ITCH: variants seen among roughly 807,000 people sequenced by gnomAD.
ITCH encodes E3 ubiquitin-protein ligase Itchy homolog.
ITCH carries 28 observed loss-of-function variants against 126.8 expected under a neutral mutation model. That is an observed-to-expected ratio of 0.22 (90% CI 0.16 to 0.30). The LOEUF (loss-of-function observed/expected upper bound fraction) is 0.30. ITCH is among the 10% of genes least tolerant of loss of function. The pLI is 1.00. For synonymous variants in ITCH, 342 were observed against 340.0 expected (o/e 1.01, Z -0.06); for missense variants, 631 against 1,032.4 (o/e 0.61, Z 5.33).
intron 20 of ITCH, 40 bp from the exon 21 acceptor site, chr20:34,489,224 GAT>G: frequency 6.3e-7 from 1 of 1,580,180 alleles, no homozygotes; most frequent in Non-Finnish European, 8.7e-7. Flanking sequence ...TTAAAGATAA[GAT>G]CTAAACTTCC....
At chr20:34,503,792 A>G (rs1253177334) in intron 23 of ITCH, among the ~76,000 whole-genome samples, 1 of 138,110 alleles carries the variant, frequency 7.2e-6, no homozygotes, top group African/African-American at 2.8e-5. Flanking sequence ...TAAAGCACAT[A>G]TTGCTGAGCC....
Position 34,471,424 on chromosome 20 carries a change from A to C in ITCH, c.1498-20A>C. ...CTATTTTAATGATGAGAGTTGACTT[A>C]AGTCATTCTTCTATTTCAGCAACTG... On this transcript the variant is annotated intron_variant, in intron 15 of 24. Transcript: ENST00000374864. 6.7e-7 allele frequency: 1 copy of C among 1,481,968 alleles called. No homozygotes were observed. The highest frequency in any genetic ancestry group is 9.4e-7 in the Non-Finnish European group (1 of 1,059,342). The allele number at this position is 1,481,968 out of a possible 1,614,324, so 91.8% of individuals were successfully genotyped here. A position where few individuals can be genotyped will look rare whatever the true frequency, so the allele number is the denominator to read the frequency against.
chr20:34,407,141 T>G (rs909904400), intron 3 of ITCH, among the ~76,000 whole-genome samples: 2 of 152,172 alleles, frequency 1.3e-5, no homozygotes, highest in African/African-American at 4.8e-5. Context: ...AAGGAGTTTG[T>G]ATCTCAAGAT....
At chr20:34,469,932 C>G (rs1291625250) in intron 14 of ITCH, 116 bp from the exon 15 acceptor site, 19 of 795,536 alleles carry the variant, frequency 2.4e-5, no homozygotes, top group Non-Finnish European at 4.1e-5. Context: ...TAGGAATATG[C>G]TATATTTTTG....
chr20:34,430,694 G>A (rs958390756), intron 7 of ITCH, among the ~76,000 whole-genome samples: 35 of 152,070 alleles, frequency 2.3e-4, no homozygotes, highest in African/African-American at 7.5e-4. Flanking sequence ...GGCTTGTGTC[G>A]AACTCCTGAC....
chr20:34,473,381 T>C (rs1201712139), intron 16 of ITCH, among the ~76,000 whole-genome samples: 1 of 152,212 alleles, frequency 6.6e-6, no homozygotes, highest in South Asian at 2.1e-4. Flanking sequence ...TATGTGGTAA[T>C]CTGTGGTGCT....
At chr20:34,434,684 T>C in intron 7 of ITCH, among the ~76,000 whole-genome samples, 1 of 152,232 alleles carries the variant, frequency 6.6e-6, no homozygotes, top group Non-Finnish European at 1.5e-5. Context: ...TCATTATTTT[T>C]AGGGAAGAGG....
chr20:34,483,814 C>T (rs1988926827), intron 20 of ITCH, among the ~76,000 whole-genome samples: 1 of 152,162 alleles, frequency 6.6e-6, no homozygotes, highest in Admixed American at 6.5e-5. Flanking sequence ...TTTCACACTG[C>T]TGCTAAGACA....
At chr20:34,381,964 T>C (rs1053051044) in intron 2 of ITCH, among the ~76,000 whole-genome samples, 2 of 152,206 alleles carry the variant, frequency 1.3e-5, no homozygotes, top group African/African-American at 4.8e-5. Flanking sequence ...TACAAAAATC[T>C]TTGCCTTACT....
intron 2 of ITCH, among the ~76,000 whole-genome samples, chr20:34,378,439 C>G (rs763994524): frequency 8.5e-5 from 11 of 129,898 alleles, no homozygotes; most frequent in Non-Finnish European, 1.5e-4. Flanking sequence ...CGCCATTGTA[C>G]TCCAGCCTGG....
chr20:34,504,426 G>C, intron 24 of ITCH, 23 bp downstream of exon 24: 1 of 1,478,138 alleles, frequency 6.8e-7, no homozygotes, highest in Non-Finnish European at 9.5e-7. Context: ...AGAATGGATA[G>C]AGAAAACAGC....
rs556682736 is a variant in ITCH, at chr20:34,476,328, C to G, written c.1570-1444C>G. On this transcript the variant is annotated intron_variant, in intron 16 of 24. Transcript: ENST00000374864. The stretch of plus-strand genomic sequence containing the variant: ...CTGCCGACACGCTCAGCGGCCGGCT[C>G]GCCTCCGCGCTCCGGCCCGGTCCCC... The G allele has an allele frequency of 7.3e-5, 86 of 1,186,026 alleles. No individual in the cohort carries two copies. The African/African-American group carries it at 1.2e-3, about 16-fold the overall frequency. The allele number at this position is 1,186,026 out of a possible 1,614,324, so 73.5% of individuals were successfully genotyped here.
rs757432354 is a variant in ITCH at position 34,443,503 on chromosome 20, C to CA, written c.965+1212dup. Reference sequence around the variant, plus strand: ...GCCTGGCGACAGATCAAGACTCCGTCAAAAAAAAAAAATCATATAAAATAA... The same window carrying CA: ...GCCTGGCGACAGATCAAGACTCCGTCAAAAAAAAAAAAATCATATAAAATAA... On this transcript the variant is annotated intron_variant, in intron 10 of 24. Coordinates refer to ENST00000374864, the MANE Select transcript of ITCH (RefSeq NM_031483.7). Among the ~76,000 whole-genome samples the CA allele has an allele frequency of 9.0e-3, 1,255 of 138,700 alleles. 17 individuals carry two copies. The highest frequency in any genetic ancestry group is 0.028 in the African/African-American group (1,042 of 37,728). The allele number at this position is 138,700 out of a possible 152,430, so 91.0% of individuals were successfully genotyped here.
intron 2 of ITCH, among the ~76,000 whole-genome samples, chr20:34,383,320 G>T (rs1244510314): frequency 6.6e-6 from 1 of 151,644 alleles, no homozygotes; most frequent in East Asian, 1.9e-4. Context: ...TTGGGGGTGG[G>T]ATTACAGGCG....
Position 34,500,744 on chromosome 20 carries a change from G to A in ITCH, c.2417-3587G>A, listed in dbSNP as rs559550568. On this transcript the variant is annotated intron_variant, in intron 23 of 24. Transcript: ENST00000374864. ...TTTCTGGTTGCTTTATATATCCGTCGTTCCTTTCTTTCTCTCATTGTTTAT... is the reference window on the plus strand; with the variant it reads ...TTTCTGGTTGCTTTATATATCCGTCATTCCTTTCTTTCTCTCATTGTTTAT... 6.6e-5 allele frequency among the ~76,000 whole-genome samples: 10 copies of A among 152,032 alleles called. No individual in the cohort carries two copies. In the South Asian group the frequency reaches 8.3e-4, roughly 13 times the overall value.
intron 24 of ITCH, among the ~76,000 whole-genome samples, chr20:34,507,263 G>GTTTTATTTTTTTTTTTTT (rs1990676754): frequency 2.6e-5 from 1 of 39,162 alleles, no homozygotes; most frequent in Non-Finnish European, 4.8e-5. Flanking sequence ...GTTTTCTTCT[G>GTTTTATTTTTTTTTTTTT]TTTTTTTTTT....
At chr20:34,470,021 G>A in intron 14 of ITCH, 27 bp from the exon 15 acceptor site, 1 of 1,579,996 alleles carries the variant, frequency 6.3e-7, no homozygotes, top group Middle Eastern at 1.7e-4. Context: ...AGCTATATAT[G>A]TCCTGTTAAC....
intron 23 of ITCH, among the ~76,000 whole-genome samples, chr20:34,497,063 C>T (rs1028776001): frequency 2.6e-5 from 4 of 151,930 alleles, no homozygotes; most frequent in Admixed American, 2.0e-4. Context: ...GTGGCGAGAT[C>T]TCGGCTCCCC....
intron 21 of ITCH, among the ~76,000 whole-genome samples, 194 bp downstream of exon 21, chr20:34,489,580 A>G (rs769418530): frequency 1.6e-4 from 24 of 152,168 alleles, no homozygotes; most frequent in Non-Finnish European, 3.1e-4. Context: ...ACCCCCTCCA[A>G]AGTACAAATA....
Sources: allele counts gnomAD v4.1 joint callset (sites outside exome capture counted in the v4.1 genomes callset), GRCh38; gene constraint gnomAD v4.1.1; transcripts MANE v1.5; gene names NCBI Gene and HGNC (gene_info 2026-07-23, HGNC 2026-07-21).